Variants in SRRT observed in about 807,000 individuals in gnomAD.
The protein encoded by SRRT is serrate RNA effector molecule homolog.
A neutral mutation model predicts 103.2 loss-of-function variants in SRRT; 32 were observed. The ratio of observed to expected loss-of-function variants is 0.31; its 90% CI spans 0.23 to 0.42. SRRT has a LOEUF of 0.42. SRRT is among the 10% of genes least tolerant of loss of function. The pLI, the probability that SRRT is intolerant of heterozygous loss-of-function variation, is 1.00. For synonymous variants in SRRT, 525 were observed against 449.0 expected (o/e 1.17, Z -2.14); for missense variants, 986 against 1,207.5 (o/e 0.82, Z 2.72).
chr7:100,875,551 A>G (rs758168201), intron 1 of SRRT, 22 bp from the exon 2 acceptor site: 5 of 1,611,624 alleles, frequency 3.1e-6, no homozygotes, highest in South Asian at 2.2e-5. Flanking sequence ...CACCACTCCT[A>G]CCGCCTCTCC....
Position 100,887,868 on chromosome 7 carries a change from C to CGATCCA in SRRT, c.2326+10_2326+15dup. 1 of 1,596,146 alleles carries CGATCCA rather than the reference C, an allele frequency of 6.3e-7. No individual in the cohort carries two copies. Among genetic ancestry groups the CGATCCA allele is most frequent in the Non-Finnish European group, 8.6e-7 (1 of 1,165,802 alleles). ...ACCTGGCCCCGCCCAGAGTAAGATA[C>CGATCCA]GATCCATGAAGGTCGCATGTGCCCT... On this transcript the variant is annotated intron_variant, in intron 17 of 19. Transcript: ENST00000611405. The surrounding 1 kb of genome is among the most constrained non-coding windows in gnomAD (Gnocchi z 4.1).
At chr7:100,879,883 T>G (rs1436392579) in intron 2 of SRRT, among the ~76,000 whole-genome samples, 1 of 151,558 alleles carries the variant, frequency 6.6e-6, no homozygotes, top group African/African-American at 2.4e-5. Flanking sequence ...GGTTGGTGAC[T>G]GGTGGAGAGG....
At position 100,886,305 on chromosome 7, in the gene SRRT, A is replaced by G. The variant is rs369901340; in HGVS notation, c.1517A>G (p.Asn506Ser). 3.1e-6 allele frequency: 5 copies of G among 1,613,494 alleles called. No individual in the cohort carries two copies. Among genetic ancestry groups the G allele is most frequent in the Admixed American group, 3.3e-5 (2 of 60,002 alleles). Reference sequence around the variant, plus strand: ...AGGGACCTGACCCGGCGCGTTCGCAACATCAACGGCATCACCCAGCACAAG... The same window carrying G: ...AGGGACCTGACCCGGCGCGTTCGCAGCATCAACGGCATCACCCAGCACAAG... Reference protein sequence around the residue: ...VNRDLTRRVRNINGITQHKQI... With the variant: ...VNRDLTRRVRSINGITQHKQI... The change falls in exon 13 of 20, where the codon AAC becomes AGC. Residue 506 changes from asparagine to serine, a missense_variant. Asn to Ser is a conservative substitution (Grantham distance 46, BLOSUM62 1). Around this residue, in one of 6 missense-constraint regions of SRRT, gnomAD observed 349 missense variants for 446.9 expected, o/e 0.78. Coordinates refer to ENST00000611405, the MANE Select transcript of SRRT (RefSeq NM_015908.6).
chr7:100,885,987 G>T lies in SRRT; in HGVS notation c.1458+46G>T. On this transcript the variant is annotated intron_variant, in intron 12 of 19. Coordinates refer to ENST00000611405, the MANE Select transcript of SRRT (RefSeq NM_015908.6). The surrounding 1 kb of genome is among the most constrained non-coding windows in gnomAD (Gnocchi z 4.8). ...TGTGGGGAAGAGGAAGGGAGACTCTGTGCCACACGGGACCTCTGTGTGACT... is the reference window on the plus strand; with the variant it reads ...TGTGGGGAAGAGGAAGGGAGACTCTTTGCCACACGGGACCTCTGTGTGACT... 2 of 1,589,392 alleles carry T rather than the reference G, an allele frequency of 1.3e-6. No homozygotes were observed. Among genetic ancestry groups the T allele is most frequent in the Non-Finnish European group, 1.7e-6 (2 of 1,158,726 alleles).
rs754226193 is a variant in SRRT at position 100,881,734 on chromosome 7, T to C, written c.327T>C (p.Tyr109=). 26 of 1,613,850 alleles carry C rather than the reference T, an allele frequency of 1.6e-5. No individual in the cohort carries two copies. The highest frequency in any genetic ancestry group is 2.2e-5 in the East Asian group (1 of 44,874). The change falls in exon 4 of 20, where the codon TAT becomes TAC. Residue 109 remains tyrosine, a synonymous_variant. Coordinates refer to ENST00000611405, the MANE Select transcript of SRRT (RefSeq NM_015908.6). ...PYAGGGGGPT[Y]GPPQPWGHPD... ...CTGGGGGGGGTGGGGGCCCAACTTA[T>C]GGCCCCCCTCAGCCCTGGGGCCACC...
intron 13 of SRRT, 21 bp from the exon 14 acceptor site, chr7:100,886,774 T>G (rs1563023770): frequency 6.2e-7 from 1 of 1,613,730 alleles, no homozygotes. Context: ...CTGCCTTACT[T>G]GCTTCTCTTC....
In SRRT at chr7:100,884,220, T is replaced by C. The variant is rs1183081826; in HGVS notation, c.738T>C (p.Ile246=). The C allele has an allele frequency of 6.2e-7, 1 of 1,613,930 alleles. No homozygotes were observed. The highest frequency in any genetic ancestry group is 8.5e-7 in the Non-Finnish European group (1 of 1,180,020). ...TGGACATAGACAAAGCTGATGCCATTGTCAAGATGCTGGATGCAGGTGTGC... is the reference window on the plus strand; with the variant it reads ...TGGACATAGACAAAGCTGATGCCATCGTCAAGATGCTGGATGCAGGTGTGC... ...LLLDIDKADA[I]VKMLDAAVIK... Residue 246 remains isoleucine (I), a synonymous_variant, in exon 6 of 20, where the codon ATT becomes ATC. Coordinates refer to ENST00000611405, the MANE Select transcript of SRRT (RefSeq NM_015908.6).
chr7:100,886,716 C>T (rs547481552), intron 13 of SRRT, 79 bp from the exon 14 acceptor site: 153 of 1,504,692 alleles, frequency 1.0e-4, no homozygotes, highest in Non-Finnish European at 1.0e-4. Context: ...CCCCTCGCTG[C>T]TCTTTCACTT....
At position 100,886,298 on chromosome 7, in the gene SRRT, G is replaced by A. The variant is rs759496512; in HGVS notation, c.1510G>A (p.Val504Ile). 2.4e-5 allele frequency: 39 copies of A among 1,613,252 alleles called. No individual in the cohort carries two copies. Among genetic ancestry groups the A allele is most frequent in the Admixed American group, 1.7e-5 (1 of 59,988 alleles). ...TGTGAACAGGGACCTGACCCGGCGC[G>A]TTCGCAACATCAACGGCATCACCCA... ...PGVNRDLTRR[V>I]RNINGITQHK... Residue 504 changes from valine (V) to isoleucine (I), a missense_variant, in exon 13 of 20, where the codon GTT becomes ATT. Physicochemically the swap from Val to Ile is conservative, Grantham distance 29. This residue lies in a region of SRRT where 349 missense variants were observed against 446.9 expected (regional missense o/e 0.78). Coordinates refer to ENST00000611405, the MANE Select transcript of SRRT (RefSeq NM_015908.6).
intron 5 of SRRT, 62 bp from the exon 6 acceptor site, chr7:100,884,008 C>T: frequency 6.6e-7 from 1 of 1,517,706 alleles, no homozygotes; most frequent in Non-Finnish European, 8.8e-7. Flanking sequence ...GGGCCCCTTC[C>T]CACATCCTGG....
In SRRT at chr7:100,882,254, A is replaced by T; in HGVS notation, c.587+13A>T. 1 of 1,611,860 alleles carries T rather than the reference A, an allele frequency of 6.2e-7. No individual in the cohort carries two copies. Among genetic ancestry groups the T allele is most frequent in the Non-Finnish European group, 8.5e-7 (1 of 1,178,618 alleles). On this transcript the variant is annotated intron_variant, in intron 5 of 19. Coordinates refer to ENST00000611405, the MANE Select transcript of SRRT (RefSeq NM_015908.6). The surrounding 1 kb of genome is among the most constrained non-coding windows in gnomAD (Gnocchi z 4.2). The stretch of plus-strand genomic sequence containing the variant: ...AAGATGAGGAGTGGTGAGTGCCCCT[A>T]CTTCCCTGGACCTCTGCCCTGGCAT...
At position 100,887,432 on chromosome 7, in the gene SRRT, A is replaced by G. The variant is rs1326056750; in HGVS notation, c.2088A>G (p.Glu696=). 19 of 1,614,202 alleles carry G rather than the reference A, an allele frequency of 1.2e-5. No individual in the cohort carries two copies. The highest frequency in any genetic ancestry group is 4.5e-5 in the East Asian group (2 of 44,878). ...QKMGRKDPEQ[E]VEKFVTSNTQ... is the part of the protein sequence containing the mutation. ...TGGGGCGCAAAGACCCAGAGCAGGAAGTGGAGAAGTTCGTCACCTCCAACA... is the reference window on the plus strand; with the variant it reads ...TGGGGCGCAAAGACCCAGAGCAGGAGGTGGAGAAGTTCGTCACCTCCAACA... Residue 696 remains glutamate (E), a synonymous_variant, in exon 16 of 20, where the codon GAA becomes GAG. Coordinates refer to ENST00000611405, the MANE Select transcript of SRRT (RefSeq NM_015908.6). This position sits in a 1 kb window ranked among gnomAD's most constrained non-coding sequence, Gnocchi z 4.1.
Position 100,885,898 on chromosome 7 carries a change from G to A in SRRT, c.1415G>A (p.Ser472Asn). ...FRRGWVTFDR[S>N]VNIKEICWNL... is the part of the protein sequence containing the mutation. Reference sequence around the variant, plus strand: ...CGTGGCTGGGTGACCTTCGACCGCAGTGTTAACATTAAAGAGATCTGTTGG... The same window carrying A: ...CGTGGCTGGGTGACCTTCGACCGCAATGTTAACATTAAAGAGATCTGTTGG... Residue 472 changes from serine (S) to asparagine (N), a missense_variant, in exon 12 of 20, where the codon AGT (serine) becomes AAT (asparagine). Ser to Asn is a conservative substitution (Grantham distance 46). Transcript: ENST00000611405. This position sits in a 1 kb window ranked among gnomAD's most constrained non-coding sequence, Gnocchi z 4.8. 6.2e-7 allele frequency: 1 copy of A among 1,614,146 alleles called. No individual in the cohort carries two copies. Among genetic ancestry groups the A allele is most frequent in the Non-Finnish European group, 8.5e-7 (1 of 1,180,028 alleles).
rs767354100 is a variant in SRRT, at chr7:100,881,260, C to G, written c.123-25C>G. The G allele has an allele frequency of 1.9e-6, 3 of 1,600,060 alleles. No individual in the cohort carries two copies. The African/African-American group carries it at 4.0e-5, about 21-fold the overall frequency. ...TGAGCCACTGTGCCTGGCCTTTAAT[C>G]TTTGTTACTTGTTCTTACTGCCAGA... On this transcript the variant is annotated intron_variant, in intron 2 of 19. Coordinates refer to ENST00000611405, the MANE Select transcript of SRRT (RefSeq NM_015908.6).
chr7:100,884,864 G>T, intron 8 of SRRT, 26 bp downstream of exon 8: 1 of 1,613,866 alleles, frequency 6.2e-7, no homozygotes, highest in Non-Finnish European at 8.5e-7. Flanking sequence ...CCTGGGGTCA[G>T]AGTGTTGGGG....
chr7:100,877,600 C>A (rs573694438), intron 2 of SRRT, among the ~76,000 whole-genome samples: 1 of 151,784 alleles, frequency 6.6e-6, no homozygotes, highest in African/African-American at 2.4e-5. Flanking sequence ...CAGCTCACTG[C>A]AACCTCCACC....
chr7:100,882,445 C>T lies in SRRT; in HGVS notation c.587+204C>T, dbSNP rs990560432. On this transcript the variant is annotated intron_variant, in intron 5 of 19. Transcript: ENST00000611405. This position sits in a 1 kb window ranked among gnomAD's most constrained non-coding sequence, Gnocchi z 4.2. ...CCCCCGCCCCGCCCTGTCTCCTGTC[C>T]TGCTGTCCTCAGAGAGTGGGACACC... 5.4e-6 allele frequency: 3 copies of T among 555,562 alleles called. No individual in the cohort carries two copies. The Admixed American group carries it at 1.0e-4, about 19-fold the overall frequency. 34.4% of individuals were successfully genotyped at this position (555,562 alleles called of 1,614,324 possible).
intron 2 of SRRT, among the ~76,000 whole-genome samples, chr7:100,877,629 C>T (rs1584732007): frequency 1.3e-5 from 2 of 151,688 alleles, no homozygotes; most frequent in Admixed American, 1.3e-4. Context: ...TCAAGTGATT[C>T]TCCTGCCTCA....
chr7:100,885,719 G>A lies in SRRT; in HGVS notation c.1336G>A (p.Gly446Ser). The change falls in exon 11 of 20, where the codon GGC becomes AGC. Residue 446 changes from glycine to serine, a missense_variant. Gly to Ser is a moderately conservative substitution (Grantham distance 56). Around this residue, in one of 6 missense-constraint regions of SRRT, gnomAD observed 349 missense variants for 446.9 expected, o/e 0.78. Transcript: ENST00000611405. This position sits in a 1 kb window ranked among gnomAD's most constrained non-coding sequence, Gnocchi z 4.8. ...EIISLCKRYP[G>S]FMRVALSEPQ... Reference sequence around the variant, plus strand: ...CTTGCAGCTTTGTAAAAGGTACCCAGGCTTTATGCGGGTGGCGCTCTCAGA... The same window carrying A: ...CTTGCAGCTTTGTAAAAGGTACCCAAGCTTTATGCGGGTGGCGCTCTCAGA... The A allele has an allele frequency of 6.2e-7, 1 of 1,613,324 alleles. No individual in the cohort carries two copies. The highest frequency in any genetic ancestry group is 8.5e-7 in the Non-Finnish European group (1 of 1,179,606).
Sources: gnomAD v4.1 joint callset for allele counts (sites outside exome capture counted in the v4.1 genomes callset) on GRCh38, gnomAD v4.1.1 for gene constraint, gnomAD v4.1.1 regional missense constraint, Gnocchi (gnomAD v3.1) non-coding constraint, MANE v1.5 for transcripts, NCBI Gene and HGNC (gene_info 2026-07-23, HGNC 2026-07-21) for gene names.